CEP120: variants seen among roughly 807,000 people sequenced by gnomAD.
CEP120 encodes centrosomal protein 120.
CEP120 carries 113 observed loss-of-function variants against 126.5 expected under a neutral mutation model. That is an observed-to-expected ratio of 0.89 (90% CI 0.77 to 1.04). CEP120 has a LOEUF of 1.04. Ranked by LOEUF, CEP120 falls within the 50% of genes least tolerant of loss-of-function variation. The probability of loss-of-function intolerance (pLI) is 0.00; values close to 1 mark genes in which losing one functional copy is unlikely to be tolerated. For missense variants in CEP120, 1,230 were observed against 1,155.7 expected (o/e 1.06, Z -0.93); for synonymous variants, 400 against 394.3 (o/e 1.01, Z -0.17).
chr5:123,423,652 G>A (rs953453141), upstream of CEP120: 1 of 152,320 alleles, frequency 6.6e-6, no homozygotes, highest in Non-Finnish European at 1.5e-5. Flanking sequence ...CCTGCTTTAT[G>A]CTTCAGCCAC....
intron 4 of CEP120, among the ~76,000 whole-genome samples, chr5:123,407,105 T>TAAAAAAA (rs34074238): frequency 5.6e-5 from 7 of 124,700 alleles, no homozygotes; most frequent in East Asian, 2.2e-4. Flanking sequence ...ACTAAAAAAG[T>TAAAAAAA]AAAAAAAAAA....
At chr5:123,419,558 A>C (rs1276533614) in intron 1 of CEP120, among the ~76,000 whole-genome samples, 2 of 150,540 alleles carry the variant, frequency 1.3e-5, no homozygotes, top group African/African-American at 2.4e-5. Flanking sequence ...AAAAACAAAA[A>C]AAAAAAAACA....
In CEP120 at chr5:123,385,006, C is replaced by T. The variant is rs750844479; in HGVS notation, c.1708G>A (p.Glu570Lys). The change falls in exon 11 of 20, where the codon GAA (glutamate) becomes AAA (lysine). Residue 570 changes from glutamate (E) to lysine (K), a missense_variant. By Grantham distance (56) the Glu-to-Lys change is moderately conservative (BLOSUM62 1). Coordinates refer to ENST00000306467, the MANE Select transcript of CEP120 (RefSeq NM_001375405.1). Reference sequence around the variant, plus strand: ...CTGTAAGTTTGACGCCAACACTGTTCACCATTAGAACCTAAAAAACGAGTT... The same window carrying T: ...CTGTAAGTTTGACGCCAACACTGTTTACCATTAGAACCTAAAAAACGAGTT... ...EKTRFLGSNGEQCWRQTYSES... is the reference protein window; with the variant it reads ...EKTRFLGSNGKQCWRQTYSES... 1.2e-6 allele frequency: 2 copies of T among 1,613,382 alleles called. No homozygotes were observed. The highest frequency in any genetic ancestry group is 1.7e-5 in the Admixed American group (1 of 59,926).
chr5:123,378,740 A>G (rs1349124157), intron 14 of CEP120, among the ~76,000 whole-genome samples: 1 of 152,126 alleles, frequency 6.6e-6, no homozygotes, highest in Non-Finnish European at 1.5e-5. Flanking sequence ...GGATGGAAAC[A>G]AAAGACTGCT....
chr5:123,386,758 T>G lies in CEP120; in HGVS notation c.1431-91A>C, dbSNP rs138237575. 717 of 967,660 alleles carry G rather than the reference T, an allele frequency of 7.4e-4. 8 individuals are homozygous for G. In the African/African-American group the frequency reaches 0.011, roughly 15 times the overall value. 59.9% of individuals were successfully genotyped at this position (967,660 alleles called of 1,614,324 possible). On this transcript the variant is annotated intron_variant, in intron 9 of 19. Coordinates refer to ENST00000306467, the MANE Select transcript of CEP120 (RefSeq NM_001375405.1). ...CTGTTTTTTAGAAAAAAGTATAATA[T>G]GAATATTATGAGCAAATACAACTTT...
At chr5:123,372,095 G>GACA (rs372029248) in intron 17 of CEP120, among the ~76,000 whole-genome samples, 1 of 152,146 alleles carries the variant, frequency 6.6e-6, no homozygotes, top group African/African-American at 2.4e-5. Flanking sequence ...AACAAAATAA[G>GACA]ACAACTATTC....
intron 18 of CEP120, among the ~76,000 whole-genome samples, chr5:123,360,001 A>C (rs549064804): frequency 6.6e-6 from 1 of 152,016 alleles, no homozygotes; most frequent in African/African-American, 2.4e-5. Context: ...GTACTACACA[A>C]ATGTTTTGTA....
chr5:123,385,768 T>C (rs1479116012), intron 10 of CEP120, among the ~76,000 whole-genome samples: 1 of 152,000 alleles, frequency 6.6e-6, no homozygotes, highest in Non-Finnish European at 1.5e-5. Flanking sequence ...AGGTGCTGGC[T>C]AATTTTTGTA....
At chr5:123,360,484 T>C (rs1769993971) in intron 18 of CEP120, among the ~76,000 whole-genome samples, 1 of 151,916 alleles carries the variant, frequency 6.6e-6, no homozygotes, top group Admixed American at 6.6e-5. Context: ...GAAAAAGCAA[T>C]GAGCATCTCT....
intron 17 of CEP120, among the ~76,000 whole-genome samples, chr5:123,368,961 T>A (rs991532680): frequency 6.6e-6 from 1 of 151,182 alleles, no homozygotes; most frequent in Admixed American, 6.6e-5. Flanking sequence ...GTTACCTAGG[T>A]TTTTTTTTCC....
At chr5:123,397,247 C>T (rs866199657) in intron 5 of CEP120, among the ~76,000 whole-genome samples, 2 of 152,084 alleles carry the variant, frequency 1.3e-5, no homozygotes, top group African/African-American at 2.4e-5. Flanking sequence ...TCACTTGAAC[C>T]GGGAAGGCAG....
intron 4 of CEP120, among the ~76,000 whole-genome samples, chr5:123,405,310 C>T (rs1773569200): frequency 1.3e-5 from 2 of 152,170 alleles, no homozygotes; most frequent in Non-Finnish European, 1.5e-5. Flanking sequence ...CCCACACTTT[C>T]GTGACTTTTA....
At chr5:123,350,125 T>A in intron 18 of CEP120, 36 bp from the exon 19 acceptor site, 1 of 1,549,318 alleles carries the variant, frequency 6.5e-7, no homozygotes, top group Non-Finnish European at 8.8e-7. Context: ...ATATCCTTAA[T>A]ATTAGGAACA....
At chr5:123,381,377 A>AGGAGCACT (rs142849434) in intron 14 of CEP120, among the ~76,000 whole-genome samples, 66,561 of 151,118 alleles carry the variant, frequency 0.44, 14,535 homozygotes, top group East Asian at 0.47. Flanking sequence ...TATAGAGAGA[A>AGGAGCACT]GGAGCACTGG....
intron 18 of CEP120, among the ~76,000 whole-genome samples, chr5:123,352,424 G>A (rs1015540134): frequency 1.3e-5 from 2 of 151,794 alleles, no homozygotes; most frequent in South Asian, 2.1e-4. Flanking sequence ...CCCATGTAGA[G>A]CTCAAACTGA....
At chr5:123,395,741 G>A (rs1434422346) in intron 5 of CEP120, among the ~76,000 whole-genome samples, 3 of 144,510 alleles carry the variant, frequency 2.1e-5, no homozygotes, top group South Asian at 2.2e-4. Flanking sequence ...GAGTGCAGTC[G>A]CATGATCTCG....
chr5:123,401,723 T>C (rs1341486097), intron 4 of CEP120: 18 of 1,318,336 alleles, frequency 1.4e-5, no homozygotes, highest in Non-Finnish European at 1.8e-5. Context: ...CAGCTCTACC[T>C]TGTTAATGTA....
chr5:123,421,899 A>T (rs569427576), intron 1 of CEP120, among the ~76,000 whole-genome samples: 1 of 152,212 alleles, frequency 6.6e-6, no homozygotes, highest in Non-Finnish European at 1.5e-5. Context: ...GATTAGGATT[A>T]CAATGTTTCC....
intron 7 of CEP120, among the ~76,000 whole-genome samples, chr5:123,390,650 T>C (rs1562054896): frequency 6.6e-6 from 1 of 151,786 alleles, no homozygotes; most frequent in African/African-American, 2.4e-5. Flanking sequence ...ATAGATACAA[T>C]AAAAAAAATA....
Sources: gnomAD v4.1 joint callset for allele counts (sites outside exome capture counted in the v4.1 genomes callset) on GRCh38, gnomAD v4.1.1 for gene constraint, MANE v1.5 for transcripts, NCBI Gene and HGNC (gene_info 2026-07-23, HGNC 2026-07-21) for gene names.